The following SYNPO variants were observed in gnomAD, a reference collection of about 807,000 sequenced individuals.
The protein encoded by SYNPO is synaptopodin.
In SYNPO, 19 loss-of-function variants were observed where a neutral mutation model predicts 49.5. That is an observed-to-expected ratio of 0.38 (90% CI 0.27 to 0.56). The LOEUF (loss-of-function observed/expected upper bound fraction) is 0.56. Ranked by LOEUF, SYNPO falls within the 20% of genes least tolerant of loss-of-function variation. SYNPO has a pLI of 0.68. For missense variants in SYNPO, 1,131 were observed against 1,248.3 expected, an observed-to-expected ratio of 0.91 and a Z score of 1.42; for synonymous variants, 536 against 548.0, an observed-to-expected ratio of 0.98 and a Z score of 0.31.
chr5:150,651,958 C>T, intron 2 of SYNPO: 3 of 1,000,430 alleles, frequency 3.0e-6, no homozygotes, highest in Non-Finnish European at 3.6e-6. Context: ...GGGCCGAGGA[C>T]CACCCACTTC....
At chr5:150,635,949 A>G (rs981653487), upstream of SYNPO, among the ~76,000 whole-genome samples, 1 of 152,102 alleles carries the variant, frequency 6.6e-6, no homozygotes, top group African/African-American at 2.4e-5. Context: ...CTCAGTGAGG[A>G]TGGCTTTGGT....
chr5:150,620,187 T>C (rs1270562195), intron 2 of SYNPO, among the ~76,000 whole-genome samples: 1 of 152,248 alleles, frequency 6.6e-6, no homozygotes, highest in African/African-American at 2.4e-5. Context: ...GAGTCTTATC[T>C]ACCTCAAAGA....
rs774347765 is a variant in SYNPO, at chr5:150,656,853, C to T, written c.2478C>T (p.Ser826=). ...PGAAFAPIPR[S]PLPAGPSSCT... ...CAGCCTTCGCGCCCATCCCGCGGAG[C>T]CCGTTGCCCGCCGGTCCTTCGTCCT... Residue 826 remains serine, a synonymous_variant, in exon 3 of 3, where the codon AGC becomes AGT. Coordinates refer to ENST00000307662, the MANE Select transcript of SYNPO (RefSeq NM_007286.6). 11 of 1,558,428 alleles carry T rather than the reference C, an allele frequency of 7.1e-6. No individual in the cohort carries two copies. In the East Asian group the frequency reaches 2.4e-4, roughly 34 times the overall value.
At chr5:150,641,356 C>T (rs900223339) in intron 1 of SYNPO, among the ~76,000 whole-genome samples, 2 of 152,254 alleles carry the variant, frequency 1.3e-5, no homozygotes, top group African/African-American at 4.8e-5. Flanking sequence ...GTTTACCCTT[C>T]CTGTCGCCAA....
Position 150,652,096 on chromosome 5 carries a change from TAGTG to T in SYNPO, c.2028+1796_2028+1799del, listed in dbSNP as rs10596168. On this transcript the variant is annotated intron_variant, in intron 2 of 2. Coordinates refer to ENST00000307662, the MANE Select transcript of SYNPO (RefSeq NM_007286.6). ...CTCCATGGGAACAGGGGTGCCTTCT[TAGTG>T]AGCTCATTTCACACAGATCGAGGGG... 6.9e-3 allele frequency: 6,899 copies of T among 1,000,658 alleles called. 359 individuals carry two copies. In the African/African-American group the frequency reaches 0.11, roughly 16 times the overall value. The allele number at this position is 1,000,658 out of a possible 1,614,324, so 62.0% of individuals were successfully genotyped here.
chr5:150,604,654 C>T (rs955424303), intron 1 of SYNPO, among the ~76,000 whole-genome samples: 2 of 152,154 alleles, frequency 1.3e-5, no homozygotes, highest in African/African-American at 4.8e-5. Flanking sequence ...CTGTAGTAGC[C>T]GTGGGAGCTC....
chr5:150,656,716 C>A lies in SYNPO; in HGVS notation c.2341C>A (p.Arg781=), dbSNP rs1758571403. The A allele has an allele frequency of 7.1e-7, 1 of 1,399,636 alleles. No individual in the cohort carries two copies. The highest frequency in any genetic ancestry group is 9.3e-7 in the Non-Finnish European group (1 of 1,076,492). 86.7% of individuals were successfully genotyped at this position (1,399,636 alleles called of 1,614,324 possible). The change falls in exon 3 of 3, where the codon CGG becomes AGG. Residue 781 remains arginine (R), a synonymous_variant. Transcript: ENST00000307662. ...GCGGTCGGCGGGCGCCGAGAACCCG[C>A]GGCCCTTCTCCCCGCCGAGGGCGCC... ...SPRSAGAENP[R]PFSPPRAPPP...
At chr5:150,602,313 C>T (rs1350299857) in intron 1 of SYNPO, among the ~76,000 whole-genome samples, 1 of 152,216 alleles carries the variant, frequency 6.6e-6, no homozygotes, top group African/African-American at 2.4e-5. Context: ...TTTCCCTATC[C>T]CCACAATGGC....
intron 1 of SYNPO, among the ~76,000 whole-genome samples, chr5:150,605,267 C>T (rs919880913): frequency 6.6e-6 from 1 of 152,084 alleles, no homozygotes; most frequent in Non-Finnish European, 1.5e-5. Flanking sequence ...GGTCTCAAAT[C>T]TTGCCATAAA....
intron 2 of SYNPO, chr5:150,654,040 A>G (rs1758478374): frequency 6.6e-6 from 1 of 152,240 alleles, no homozygotes; most frequent in African/African-American, 2.4e-5. Context: ...GGGAGGAATT[A>G]GAAGACTCTC....
At chr5:150,643,659 C>T (rs1286194976) in intron 1 of SYNPO, among the ~76,000 whole-genome samples, 1 of 152,106 alleles carries the variant, frequency 6.6e-6, no homozygotes, top group African/African-American at 2.4e-5. Flanking sequence ...CTCAGCCTCC[C>T]AAGTAGCTGG....
At chr5:150,637,564 G>A (rs962967233), upstream of SYNPO, among the ~76,000 whole-genome samples, 6 of 152,182 alleles carry the variant, frequency 3.9e-5, no homozygotes, top group Admixed American at 1.3e-4. Context: ...AGCTGTGAGC[G>A]CGCCTGAGAC....
chr5:150,635,267 G>A (rs1428441684), intron 2 of SYNPO, among the ~76,000 whole-genome samples: 1 of 152,254 alleles, frequency 6.6e-6, no homozygotes, highest in Admixed American at 6.5e-5. Context: ...ACGCTCTGCT[G>A]TGTGTAGCAC....
chr5:150,631,383 G>T (rs1039952913), intron 2 of SYNPO, among the ~76,000 whole-genome samples: 1 of 152,208 alleles, frequency 6.6e-6, no homozygotes, highest in Non-Finnish European at 1.5e-5. Flanking sequence ...GGTCAGAAAG[G>T]TGCAGCCAAG....
chr5:150,616,653 T>G (rs40310), intron 1 of SYNPO, among the ~76,000 whole-genome samples: 7,591 of 152,220 alleles, frequency 0.05, 275 homozygotes, highest in Admixed American at 0.096. Context: ...CTAACTCATC[T>G]CCCTGCTCCA....
At chr5:150,610,828 T>A (rs1035855912) in intron 1 of SYNPO, among the ~76,000 whole-genome samples, 1 of 152,236 alleles carries the variant, frequency 6.6e-6, no homozygotes, top group Non-Finnish European at 1.5e-5. Flanking sequence ...ATTTTTTATA[T>A]ACAAGATTAC....
the SYNPO span, among the ~76,000 whole-genome samples, chr5:150,595,283 A>G: frequency 6.6e-6 from 1 of 152,382 alleles, no homozygotes; most frequent in East Asian, 1.9e-4. Flanking sequence ...TTCAAAACAC[A>G]TAGAATCACC....
chr5:150,608,148 T>G (rs996307060), intron 1 of SYNPO, among the ~76,000 whole-genome samples: 35 of 152,396 alleles, frequency 2.3e-4, no homozygotes, highest in African/African-American at 5.5e-4. Flanking sequence ...CTGGTTGTTG[T>G]TGGTGGTGGT....
intron 2 of SYNPO, among the ~76,000 whole-genome samples, chr5:150,656,128 G>A (rs1357163427): frequency 6.6e-6 from 1 of 152,206 alleles, no homozygotes; most frequent in Non-Finnish European, 1.5e-5. Flanking sequence ...AGCCCAGAGG[G>A]GTGAAGTAAC....
Sources: allele counts gnomAD v4.1 joint callset (sites outside exome capture counted in the v4.1 genomes callset), GRCh38; gene constraint gnomAD v4.1.1; transcripts MANE v1.5; gene names NCBI Gene and HGNC (gene_info 2026-07-23, HGNC 2026-07-21).